Variants in TNNI3K observed in about 807,000 individuals in gnomAD.
The protein encoded by TNNI3K is serine/threonine-protein kinase TNNI3K.
Under a neutral mutation model 114.5 loss-of-function variants are expected in TNNI3K, and 140 were observed. The observed-to-expected ratio is 1.22, with a 90% CI of 1.07 to 1.41. TNNI3K has a LOEUF of 1.41. Ranked by LOEUF, TNNI3K falls within the 40% of genes most tolerant of loss-of-function variation. TNNI3K has a pLI of 0.00. For synonymous variants in TNNI3K, 347 were observed against 347.5 expected, an observed-to-expected ratio of 1.00 and a Z score of 0.02; for missense variants, 1,125 against 1,007.6, an observed-to-expected ratio of 1.12 and a Z score of -1.58.
Position 74,342,881 on chromosome 1 carries a change from T to G in TNNI3K, c.722T>G (p.Phe241Cys). Residue 241 changes from phenylalanine to cysteine, a missense_variant, in exon 8 of 25, where the codon TTC becomes TGC. Transcript: ENST00000326637. ...AATGAAGACCATGTCCCACTCCATT[T>G]CTGTTCTCGATTTGGACACCATGAT... ...QDNEDHVPLH[F>C]CSRFGHHDIV... 6.2e-7 allele frequency: 1 copy of G among 1,613,768 alleles called. No individual in the cohort carries two copies. Among genetic ancestry groups the G allele is most frequent in the South Asian group, 1.1e-5 (1 of 91,070 alleles).
At chr1:74,361,719 A>G (rs1293273242) in intron 11 of TNNI3K, among the ~76,000 whole-genome samples, 3 of 152,148 alleles carry the variant, frequency 2.0e-5, no homozygotes, top group African/African-American at 7.2e-5. Context: ...CAAGGATACT[A>G]TCTAAAATTG....
chr1:74,491,653 T>G (rs1425038888), intron 22 of TNNI3K, among the ~76,000 whole-genome samples: 1 of 152,198 alleles, frequency 6.6e-6, no homozygotes, highest in Non-Finnish European at 1.5e-5. Context: ...CTTATAAAAT[T>G]GATGTATTCT....
intron 22 of TNNI3K, among the ~76,000 whole-genome samples, chr1:74,491,188 A>G (rs911509419): frequency 1.3e-5 from 2 of 152,174 alleles, no homozygotes; most frequent in African/African-American, 4.8e-5. Flanking sequence ...TATCACAGAA[A>G]AGAGATAATT....
intron 21 of TNNI3K, chr1:74,470,402 G>A (rs1031976067): frequency 5.0e-6 from 2 of 400,392 alleles, no homozygotes; most frequent in South Asian, 1.3e-4. Context: ...TTTATCTCTA[G>A]TGCTTCAGTG....
chr1:74,347,089 A>C lies in TNNI3K; in HGVS notation c.932+3910A>C, dbSNP rs184356329. ...TATGTATACATGTGCCATGTTGCTG[A>C]GCTGCACCCATTAACTCCTCATTTA... On this transcript the variant is annotated intron_variant, in intron 9 of 24. Coordinates refer to ENST00000326637, the MANE Select transcript of TNNI3K (RefSeq NM_015978.3). Among the ~76,000 whole-genome samples the C allele has an allele frequency of 2.1e-3, 321 of 151,650 alleles. 2 individuals carry two copies. The highest frequency in any genetic ancestry group is 0.01 in the Middle Eastern group (3 of 294).
intron 5 of TNNI3K, among the ~76,000 whole-genome samples, chr1:74,297,640 A>G (rs978119846): frequency 2.0e-5 from 3 of 152,008 alleles, no homozygotes; most frequent in Non-Finnish European, 2.9e-5. Context: ...ATAATGTGCA[A>G]TGAGCATGGG....
At chr1:74,451,256 G>T (rs556008913) in intron 20 of TNNI3K, among the ~76,000 whole-genome samples, 1 of 152,088 alleles carries the variant, frequency 6.6e-6, no homozygotes, top group Admixed American at 6.5e-5. Context: ...GGGAAGGCAG[G>T]GGGAGGGAGA....
chr1:74,368,353 A>G (rs1483668468), intron 13 of TNNI3K, among the ~76,000 whole-genome samples: 1 of 151,890 alleles, frequency 6.6e-6, no homozygotes, highest in Non-Finnish European at 1.5e-5. Flanking sequence ...CCATTTTTGA[A>G]TGTATGCTTC....
At chr1:74,535,338 G>A (rs970259016) in intron 23 of TNNI3K, among the ~76,000 whole-genome samples, 1 of 152,094 alleles carries the variant, frequency 6.6e-6, no homozygotes, top group Non-Finnish European at 1.5e-5. Context: ...AGGCATGGTG[G>A]CACATGCCTG....
chr1:74,475,685 C>T, intron 21 of TNNI3K: 2 of 714,652 alleles, frequency 2.8e-6, no homozygotes, highest in Admixed American at 2.0e-5. Flanking sequence ...TTTCTTGCCT[C>T]ATGAGCACAC....
intron 5 of TNNI3K, among the ~76,000 whole-genome samples, chr1:74,326,940 G>A (rs1659939036): frequency 6.6e-6 from 1 of 151,996 alleles, no homozygotes; most frequent in Non-Finnish European, 1.5e-5. Flanking sequence ...AATTAGCTGG[G>A]CGTGGTGGTG....
chr1:74,406,110 G>A (rs1664599868), intron 17 of TNNI3K, among the ~76,000 whole-genome samples: 1 of 152,148 alleles, frequency 6.6e-6, no homozygotes, highest in African/African-American at 2.4e-5. Flanking sequence ...ACCCACTTCT[G>A]AACTATTCAG....
At chr1:74,439,325 T>A (rs1666271250) in intron 19 of TNNI3K, 165 bp from the exon 20 acceptor site, 1 of 1,081,068 alleles carries the variant, frequency 9.3e-7, no homozygotes, top group Non-Finnish European at 1.3e-6. Context: ...TGTATAAACA[T>A]GTTTATTGCA....
chr1:74,488,329 G>A (rs1280766178), intron 21 of TNNI3K, among the ~76,000 whole-genome samples: 1 of 152,090 alleles, frequency 6.6e-6, no homozygotes, highest in East Asian at 1.9e-4. Context: ...AGCTTATAAG[G>A]GAAGCAGTGT....
Position 74,345,543 on chromosome 1 carries a change from AGCTTAG to A in TNNI3K, c.932+2367_932+2372del, listed in dbSNP as rs537507571. 4.5e-3 allele frequency among the ~76,000 whole-genome samples: 686 copies of A among 152,310 alleles called. 6 individuals carry two copies. Among genetic ancestry groups the A allele is most frequent in the Middle Eastern group, 0.044 (13 of 294 alleles). On this transcript the variant is annotated intron_variant, in intron 9 of 24. Coordinates refer to ENST00000326637, the MANE Select transcript of TNNI3K (RefSeq NM_015978.3). ...TCATGAAAGAAAAATGACTTAGGCA[AGCTTAG>A]GCAAGGCCATCCCAGGAAGAGGAAA...
At chr1:74,470,180 C>G (rs1667854769) in intron 21 of TNNI3K, 1 of 400,560 alleles carries the variant, frequency 2.5e-6, no homozygotes, top group Non-Finnish European at 4.4e-6. Context: ...TTTTGGGTTT[C>G]ATGGGAACTT....
At chr1:74,378,617 T>C in intron 17 of TNNI3K, 1 of 75,698 alleles carries the variant, frequency 1.3e-5, no homozygotes, top group East Asian at 3.6e-4. Context: ...TATATATATA[T>C]ATATATATAT....
chr1:74,265,001 G>C (rs1411259016), intron 4 of TNNI3K, among the ~76,000 whole-genome samples: 1 of 151,974 alleles, frequency 6.6e-6, no homozygotes, highest in Non-Finnish European at 1.5e-5. Context: ...GCTGATACAT[G>C]AAAGACAAAT....
chr1:74,460,939 T>C (rs1265253346), intron 20 of TNNI3K, among the ~76,000 whole-genome samples: 1 of 152,210 alleles, frequency 6.6e-6, no homozygotes, highest in Non-Finnish European at 1.5e-5. Context: ...TCTAAAAGAA[T>C]TTCAAAGGGG....
Sources: allele counts gnomAD v4.1 joint callset (sites outside exome capture counted in the v4.1 genomes callset), GRCh38; gene constraint gnomAD v4.1.1; transcripts MANE v1.5; gene names NCBI Gene and HGNC (gene_info 2026-07-23, HGNC 2026-07-21).